Variants in HLA-G observed in about 807,000 individuals in gnomAD.
HLA-G encodes HLA class I histocompatibility antigen, alpha chain G.
HLA-G carries 34 observed loss-of-function variants against 39.3 expected under a neutral mutation model. The observed-to-expected ratio is 0.86, with a 90% CI of 0.66 to 1.15. The LOEUF (loss-of-function observed/expected upper bound fraction) is 1.15. Among genes scored for constraint, HLA-G ranks in the 50% most tolerant of loss-of-function variants. The pLI is 0.00. For missense variants in HLA-G, 419 were observed against 456.4 expected (o/e 0.92, Z 0.75); for synonymous variants, 183 against 185.8 (o/e 0.99, Z 0.12).
At chr6:29,829,718 T>C in intron 4 of HLA-G, 25 bp downstream of exon 4, 6 of 1,610,368 alleles carry the variant, frequency 3.7e-6, no homozygotes, top group East Asian at 2.2e-5. Flanking sequence ...GGAGGCATCA[T>C]GTCTGTTAGG....
At chr6:29,829,349 C>A (rs1761036694) in intron 3 of HLA-G, 69 bp from the exon 4 acceptor site, 21 of 1,528,886 alleles carry the variant, frequency 1.4e-5, no homozygotes, top group Non-Finnish European at 1.9e-5. Flanking sequence ...AGGATGGTCA[C>A]ATCCAGGTGC....
chr6:29,830,423 G>A lies in HLA-G; in HGVS notation c.*28+13G>A, dbSNP rs199514044. On this transcript the variant is annotated intron_variant, in intron 6 of 6. Coordinates refer to ENST00000360323, the MANE Select transcript of HLA-G (RefSeq NM_001384290.1). The stretch of plus-strand genomic sequence containing the variant: ...TCTCAGGCTGCAAGTAAGTATGAAG[G>A]AGGCTGATCCCTGAGATCCTTGGGA... 227 of 1,609,968 alleles carry A rather than the reference G, an allele frequency of 1.4e-4. No individual in the cohort carries two copies. The highest frequency in any genetic ancestry group is 1.9e-4 in the Non-Finnish European group (226 of 1,176,398).
Position 29,829,558 on chromosome 6 carries a change from C to T in HLA-G, c.760C>T (p.Leu254Phe), listed in dbSNP as rs1761077774. The T allele has an allele frequency of 1.2e-6, 2 of 1,613,902 alleles. No individual in the cohort carries two copies. Among genetic ancestry groups the T allele is most frequent in the Admixed American group, 1.7e-5 (1 of 59,988 alleles). The change falls in exon 4 of 7, where the codon CTC becomes TTC. Residue 254 changes from leucine (L) to phenylalanine (F), a missense_variant. Physicochemically the swap from Leu to Phe is conservative, Grantham distance 22. This residue lies in a region of HLA-G where 328 missense variants were observed against 323.0 expected (regional missense o/e 1.02). Transcript: ENST00000360323. ...DGEDQTQDVELVETRPAGDGT... is the reference protein window; with the variant it reads ...DGEDQTQDVEFVETRPAGDGT... ...GGAGGACCAGACCCAGGACGTGGAG[C>T]TCGTGGAGACCAGGCCTGCAGGGGA...
chr6:29,827,534 C>A (rs1760769453), upstream of HLA-G: 1 of 406,934 alleles, frequency 2.5e-6, no homozygotes. Flanking sequence ...GGCCAAGACT[C>A]AGGGAGACAC....
chr6:29,829,775 G>C, intron 4 of HLA-G, 41 bp from the exon 5 acceptor site: 1 of 1,605,076 alleles, frequency 6.2e-7, no homozygotes, highest in South Asian at 1.1e-5. Context: ...CGGTGGTGAG[G>C]GCTGGGGGTC....
chr6:29,830,025 A>G, intron 5 of HLA-G, 93 bp downstream of exon 5: 1 of 929,654 alleles, frequency 1.1e-6, no homozygotes. Flanking sequence ...GGTTACTGGG[A>G]AGCACCATCC....
At position 29,828,027 on chromosome 6, in the gene HLA-G, C is replaced by A. The variant is rs776756135; in HGVS notation, c.74-20C>A. On this transcript the variant is annotated intron_variant, in intron 1 of 6. Transcript: ENST00000360323. The stretch of plus-strand genomic sequence containing the variant: ...GCCGGGAGGAGGGTCGGGCGGGTCT[C>A]AACCCCTCCTCGCCCCCAGGCTCCC... 5.6e-6 allele frequency: 9 copies of A among 1,607,724 alleles called. No homozygotes were observed. The highest frequency in any genetic ancestry group is 7.6e-6 in the Non-Finnish European group (9 of 1,177,726).
chr6:29,830,571 G>T, intron 6 of HLA-G, 161 bp downstream of exon 6: 2 of 783,914 alleles, frequency 2.6e-6, no homozygotes, highest in East Asian at 4.9e-5. Flanking sequence ...AGTGCCCAGG[G>T]CTCTAATGTG....
At chr6:29,829,090 C>T (rs1169612021) in intron 3 of HLA-G, among the ~76,000 whole-genome samples, 10 of 152,030 alleles carry the variant, frequency 6.6e-5, no homozygotes, top group Admixed American at 6.5e-4. Flanking sequence ...TTTGACCCCA[C>T]AGCAGCCTTG....
upstream of HLA-G, chr6:29,827,807 G>T (rs1315826431): frequency 6.3e-7 from 1 of 1,593,494 alleles, no homozygotes; most frequent in Non-Finnish European, 8.6e-7. Context: ...TAAAGTCCTC[G>T]CTCACCCACC....
chr6:29,828,527 G>A lies in HLA-G; in HGVS notation c.344-16G>A, dbSNP rs767249658. 3.7e-6 allele frequency: 6 copies of A among 1,609,140 alleles called. No individual in the cohort carries two copies. Among genetic ancestry groups the A allele is most frequent in the East Asian group, 2.2e-5 (1 of 44,800 alleles). On this transcript the variant is annotated splice_polypyrimidine_tract_variant and intron_variant, in intron 2 of 6. Coordinates refer to ENST00000360323, the MANE Select transcript of HLA-G (RefSeq NM_001384290.1). Reference sequence around the variant, plus strand: ...CGAGGCTCGGTGGGCGGGGCTGACCGAGGGGGTGGGGCCAGGTTCTCACAC... The same window carrying A: ...CGAGGCTCGGTGGGCGGGGCTGACCAAGGGGGTGGGGCCAGGTTCTCACAC...
At chr6:29,828,398 G>A in intron 2 of HLA-G, 82 bp downstream of exon 2, 2 of 1,555,450 alleles carry the variant, frequency 1.3e-6, no homozygotes, top group Non-Finnish European at 8.7e-7. Context: ...CGAGTCTCCG[G>A]GTCTGGGATC....
Position 29,828,212 on chromosome 6 carries a change from G to T in HLA-G, c.239G>T (p.Gly80Val). The T allele has an allele frequency of 6.2e-7, 1 of 1,613,548 alleles. No homozygotes were observed. The highest frequency in any genetic ancestry group is 1.1e-5 in the South Asian group (1 of 91,054). The change falls in exon 2 of 7, where the codon GGG (glycine) becomes GTG (valine). Residue 80 changes from glycine to valine, a missense_variant. Gly to Val is a moderately radical substitution (Grantham distance 109). Around this residue, in one of 2 missense-constraint regions of HLA-G, gnomAD observed 91 missense variants for 133.4 expected, o/e 0.68. Coordinates refer to ENST00000360323, the MANE Select transcript of HLA-G (RefSeq NM_001384290.1). ...EPRAPWVEQE[G>V]PEYWEEETRN... ...CGGGCGCCGTGGGTGGAGCAGGAGG[G>T]GCCGGAGTATTGGGAAGAGGAGACA...
chr6:29,828,866 G>A lies in HLA-G; in HGVS notation c.619+48G>A, dbSNP rs956627143. ...TCCCTGATCTCCTGTAGACCTCTCA[G>A]CCTGGCCTAGCACAAGGAGAGGAGG... On this transcript the variant is annotated intron_variant, in intron 3 of 6. Coordinates refer to ENST00000360323, the MANE Select transcript of HLA-G (RefSeq NM_001384290.1). The A allele has an allele frequency of 2.5e-6, 4 of 1,612,060 alleles. No individual in the cohort carries two copies. The African/African-American group carries it at 5.3e-5, about 22-fold the overall frequency.
chr6:29,826,651 G>A (rs1760711889), upstream of HLA-G, among the ~76,000 whole-genome samples: 1 of 152,212 alleles, frequency 6.6e-6, no homozygotes, highest in South Asian at 2.1e-4. Flanking sequence ...GCAGAGGAAA[G>A]AATTCCAAAG....
Position 29,829,451 on chromosome 6 carries a change from T to C in HLA-G, c.653T>C (p.Val218Ala). ...PPKTHVTHHP[V>A]FDYEATLRCW... ...AAGACACACGTGACCCACCACCCTG[T>C]CTTTGACTATGAGGCCACCCTGAGG... Residue 218 changes from valine to alanine, a missense_variant, in exon 4 of 7, where the codon GTC (valine) becomes GCC (alanine). Around this residue, in one of 2 missense-constraint regions of HLA-G, gnomAD observed 328 missense variants for 323.0 expected, o/e 1.02. Coordinates refer to ENST00000360323, the MANE Select transcript of HLA-G (RefSeq NM_001384290.1). 1.2e-6 allele frequency: 2 copies of C among 1,613,798 alleles called. No homozygotes were observed. Among genetic ancestry groups the C allele is most frequent in the Non-Finnish European group, 1.7e-6 (2 of 1,179,838 alleles).
chr6:29,830,336 T>G (rs1219180816), intron 5 of HLA-G, 42 bp from the exon 6 acceptor site: 1 of 1,612,112 alleles, frequency 6.2e-7, no homozygotes, highest in Admixed American at 1.7e-5. Context: ...CTCATGGCCC[T>G]GCCACCTTTC....
At position 29,828,719 on chromosome 6, in the gene HLA-G, G is replaced by A; in HGVS notation, c.520G>A (p.Ala174Thr). The A allele has an allele frequency of 6.2e-7, 1 of 1,613,878 alleles. No individual in the cohort carries two copies. Among genetic ancestry groups the A allele is most frequent in the South Asian group, 1.1e-5 (1 of 91,092 alleles). ...GATCTCCAAGCGCAAGTGTGAGGCG[G>A]CCAATGTGGCTGAACAAAGGAGAGC... ...AQISKRKCEA[A>T]NVAEQRRAYL... The change falls in exon 3 of 7, where the codon GCC (alanine) becomes ACC (threonine). Residue 174 changes from alanine (A) to threonine (T), a missense_variant. Physicochemically the swap from Ala to Thr is moderately conservative, Grantham distance 58 (BLOSUM62 0). Transcript: ENST00000360323.
rs1761087162 is a variant in HLA-G, at chr6:29,829,625, G to A, written c.827G>A (p.Gly276Glu). The change falls in exon 4 of 7, where the codon GGA (glycine) becomes GAA (glutamate). Residue 276 changes from glycine (G) to glutamate (E), a missense_variant. Gly to Glu is a moderately conservative substitution (Grantham distance 98). Around this residue, in one of 2 missense-constraint regions of HLA-G, gnomAD observed 328 missense variants for 323.0 expected, o/e 1.02. Transcript: ENST00000360323. ...TGGGCAGCTGTGGTGGTGCCTTCTG[G>A]AGAGGAGCAGAGATACACGTGCCAT... is the stretch of plus-strand genomic sequence containing the variant. ...QKWAAVVVPS[G>E]EEQRYTCHVQ... is the part of the protein sequence containing the mutation. 3.1e-6 allele frequency: 5 copies of A among 1,614,118 alleles called. No individual in the cohort carries two copies. The highest frequency in any genetic ancestry group is 4.2e-6 in the Non-Finnish European group (5 of 1,180,022).
Sources: gnomAD v4.1 joint callset for allele counts (sites outside exome capture counted in the v4.1 genomes callset) on GRCh38, gnomAD v4.1.1 for gene constraint, gnomAD v4.1.1 regional missense constraint, MANE v1.5 for transcripts, NCBI Gene and HGNC (gene_info 2026-07-23, HGNC 2026-07-21) for gene names.